Variants in RP1L1 observed in about 807,000 individuals in gnomAD.
The protein encoded by RP1L1 is retinitis pigmentosa 1-like 1 protein.
RP1L1 carries 27 observed loss-of-function variants against 15.7 expected under a neutral mutation model. The observed-to-expected ratio is 1.72, with a 90% CI of 1.27 to 2.38. The LOEUF is 2.38. RP1L1 is among the 30% of genes most tolerant of loss of function. The pLI, the probability that RP1L1 is intolerant of heterozygous loss-of-function variation, is 0.00. For synonymous variants in RP1L1, 1,813 were observed against 1,276.7 expected (o/e 1.42, Z -8.96); for missense variants, 4,798 against 3,075.9 (o/e 1.56, Z -13.24).
In RP1L1 at chr8:10,609,457, C is replaced by T. The variant is rs960411300; in HGVS notation, c.4641G>A (p.Leu1547=). Residue 1547 remains leucine (L), a synonymous_variant, in exon 4 of 4, where the codon CTG becomes CTA. Transcript: ENST00000382483. The part of the protein sequence containing the change: ...AVAELRARWG[L]QDNDLLDQMA... ...TCTGGTCCAGCAGATCATTGTCCTG[C>T]AGGCCCCAGCGTGCTCGGAGCTCAG... 2.3e-5 allele frequency: 37 copies of T among 1,612,256 alleles called. No individual in the cohort carries two copies. The highest frequency in any genetic ancestry group is 3.1e-5 in the Non-Finnish European group (37 of 1,179,988).
In RP1L1 at chr8:10,612,035, C is replaced by T. The variant is rs771447697; in HGVS notation, c.2063G>A (p.Arg688Lys). 3.1e-6 allele frequency: 5 copies of T among 1,613,912 alleles called. No homozygotes were observed. In the Admixed American group the frequency reaches 5.0e-5, roughly 16 times the overall value. ...GCAGGCCCTTCGCCGCTCAGGAGGC[C>T]TCGGCACTTGCTTGGTTACAGAGGA... Reference protein sequence around the residue: ...LDSSVTKQVPRPPERRRACQD... With the variant: ...LDSSVTKQVPKPPERRRACQD... Residue 688 changes from arginine (R) to lysine (K), a missense_variant, in exon 4 of 4, where the codon AGG becomes AAG. Coordinates refer to ENST00000382483, the MANE Select transcript of RP1L1 (RefSeq NM_178857.6).
intron 1 of RP1L1, among the ~76,000 whole-genome samples, chr8:10,625,443 G>A (rs75347109): frequency 0.016 from 2,403 of 151,256 alleles, 60 homozygotes; most frequent in African/African-American, 0.055. Flanking sequence ...TGGAGGGTGC[G>A]TGTGGGGTGT....
At position 10,616,494 on chromosome 8, in the gene RP1L1, T is replaced by C; in HGVS notation, c.703A>G (p.Arg235Gly). ...CCAGATAAAGTTTCAGCCTCGCTTC[T>C]CCTGGCATTTTTCATGGCTGGGGTT... ...FRTPAMKNAR[R>G]SEAETLSGLT... Residue 235 changes from arginine to glycine, a missense_variant, in exon 3 of 4, where the codon AGA (arginine) becomes GGA (glycine). Transcript: ENST00000382483. 1 of 1,614,230 alleles carries C rather than the reference T, an allele frequency of 6.2e-7. No individual in the cohort carries two copies. The highest frequency in any genetic ancestry group is 1.1e-5 in the South Asian group (1 of 91,082).
rs988775533 is a variant in RP1L1, at chr8:10,612,495, A to T, written c.1603T>A (p.Ser535Thr). Residue 535 changes from serine (S) to threonine (T), a missense_variant, in exon 4 of 4, where the codon TCG becomes ACG. Transcript: ENST00000382483. ...TCATGAGAGCCGGTGCTGGCTGACG[A>T]GTCCGAAGAAGCCCCCTCCTCACTC... is the stretch of plus-strand genomic sequence containing the variant. ...ARSEEGASSD[S>T]SASTGSHEGS... 2 of 1,612,248 alleles carry T rather than the reference A, an allele frequency of 1.2e-6. No individual in the cohort carries two copies. Among genetic ancestry groups the T allele is most frequent in the East Asian group, 2.2e-5 (1 of 44,852 alleles).
chr8:10,611,616 G>A lies in RP1L1; in HGVS notation c.2482C>T (p.Gln828Ter), dbSNP rs1167216695. ...TCTTGGGCCGGCTGCGTCCCAGGCT[G>A]TGAGCAGCAGTGGCTTCGGTGGGGG... ...VGPHRSHCCS[Q>*]PGTQPAQEAQ... Residue 828 changes from glutamine to a stop codon, truncating the protein, a stop_gained, in exon 4 of 4, where the codon CAG (glutamine) becomes TAG (stop). Transcript: ENST00000382483. LOFTEE classifies it low-confidence loss of function (END_TRUNC). The A allele has an allele frequency of 1.2e-6, 2 of 1,612,804 alleles. No homozygotes were observed. The highest frequency in any genetic ancestry group is 1.7e-5 in the Admixed American group (1 of 60,004).
Position 10,612,850 on chromosome 8 carries a change from C to T in RP1L1, c.1248G>A (p.Gln416=). The T allele has an allele frequency of 1.2e-6, 2 of 1,612,918 alleles. No individual in the cohort carries two copies. Residue 416 remains glutamine (Q), a synonymous_variant, in exon 4 of 4, where the codon CAG becomes CAA. Coordinates refer to ENST00000382483, the MANE Select transcript of RP1L1 (RefSeq NM_178857.6). ...EIWTNPLHAS[Q]GERVAARKRW... is the part of the protein sequence containing the mutation. The stretch of plus-strand genomic sequence containing the variant: ...TCTTCCGAGCTGCCACTCTCTCTCC[C>T]TGGGAGGCATGCAGGGGATTCGTCC...
chr8:10,613,109 T>A lies in RP1L1; in HGVS notation c.989A>T (p.His330Leu), dbSNP rs772188613. ...TAGGAGCGTGTCCTCGCCGACCAGG[T>A]GGAAGCGGACTTTCATCTCCACGGA... ...SLSVEMKVRFHLVGEDTLLWS... is the reference protein window; with the variant it reads ...SLSVEMKVRFLLVGEDTLLWS... The change falls in exon 4 of 4, where the codon CAC becomes CTC. Residue 330 changes from histidine to leucine, a missense_variant. Coordinates refer to ENST00000382483, the MANE Select transcript of RP1L1 (RefSeq NM_178857.6). The A allele has an allele frequency of 3.5e-5, 57 of 1,613,770 alleles. 1 individual carries two copies. The highest frequency in any genetic ancestry group is 4.8e-5 in the Non-Finnish European group (57 of 1,180,032).
At chr8:10,618,324 A>T (rs60239832) in intron 2 of RP1L1, among the ~76,000 whole-genome samples, 4,228 of 151,844 alleles carry the variant, frequency 0.028, 192 homozygotes, top group African/African-American at 0.094. Context: ...TCATGGTGAA[A>T]CCCCATCTCT....
intron 1 of RP1L1, among the ~76,000 whole-genome samples, chr8:10,631,953 T>G (rs564916989): frequency 6.6e-6 from 1 of 152,194 alleles, no homozygotes; most frequent in Non-Finnish European, 1.5e-5. Context: ...TCTCTGACAC[T>G]TGCGGTGGCC....
At chr8:10,617,598 C>T (rs1380919763) in intron 2 of RP1L1, among the ~76,000 whole-genome samples, 4 of 133,822 alleles carry the variant, frequency 3.0e-5, no homozygotes, top group Non-Finnish European at 6.1e-5. Flanking sequence ...GATCTGTCAC[C>T]CAGGCTGGAG....
At position 10,607,967 on chromosome 8, in the gene RP1L1, G is replaced by C; in HGVS notation, c.6131C>G (p.Thr2044Arg). 6.2e-7 allele frequency: 1 copy of C among 1,609,994 alleles called. No homozygotes were observed. The highest frequency in any genetic ancestry group is 1.4e-5 in the African/African-American group (1 of 73,324). The stretch of plus-strand genomic sequence containing the variant: ...TGACTCTGGCTGGGCATCCCCTTCT[G>C]TCTTCTGGGTCTCCCCTTCAACCTC... ...AQEVEGETQK[T>R]EGDAQPESDG... Residue 2044 changes from threonine to arginine, a missense_variant, in exon 4 of 4, where the codon ACA becomes AGA. Coordinates refer to ENST00000382483, the MANE Select transcript of RP1L1 (RefSeq NM_178857.6).
At position 10,613,403 on chromosome 8, in the gene RP1L1, G is replaced by T. The variant is rs539106100; in HGVS notation, c.752-57C>A. 7 of 1,595,668 alleles carry T rather than the reference G, an allele frequency of 4.4e-6. No homozygotes were observed. In the South Asian group the frequency reaches 7.7e-5, roughly 18 times the overall value. The stretch of plus-strand genomic sequence containing the variant: ...GAAAAGACTGTGAGCCATGGGGGCA[G>T]CATCAGGATAAAGGAATAAAACAGT... On this transcript the variant is annotated intron_variant, in intron 3 of 3. Transcript: ENST00000382483.
intron 2 of RP1L1, 29 bp from the exon 3 acceptor site, chr8:10,616,616 G>A (rs1797970582): frequency 1.3e-6 from 2 of 1,598,798 alleles, no homozygotes; most frequent in Non-Finnish European, 1.7e-6. Context: ...GGGTCAGGAG[G>A]CCTGGGCTGC....
In RP1L1 at chr8:10,609,781, T is replaced by C. The variant is rs1305717581; in HGVS notation, c.4317A>G (p.Ala1439=). The C allele has an allele frequency of 1.2e-6, 2 of 1,613,894 alleles. No individual in the cohort carries two copies. The highest frequency in any genetic ancestry group is 2.7e-5 in the African/African-American group (2 of 74,916). Residue 1439 remains alanine, a synonymous_variant, in exon 4 of 4, where the codon GCA becomes GCG. Coordinates refer to ENST00000382483, the MANE Select transcript of RP1L1 (RefSeq NM_178857.6). ...CTGTGCCCTCTGCGGGGCACGGCTCTGCAGAGGCAGAGGCTCTTCCTGCTT... is the reference window on the plus strand; with the variant it reads ...CTGTGCCCTCTGCGGGGCACGGCTCCGCAGAGGCAGAGGCTCTTCCTGCTT... ...EEEAGRASAS[A]EPCPAEGTEE...
rs1272349897 is a variant in RP1L1 at position 10,612,268 on chromosome 8, A to G, written c.1830T>C (p.Pro610=). The change falls in exon 4 of 4, where the codon CCT becomes CCC. Residue 610 remains proline (P), a synonymous_variant. Transcript: ENST00000382483. The stretch of plus-strand genomic sequence containing the variant: ...AGGAGCAGGAAAGGCCCAGAACCAG[A>G]GGCTCCCTTGTCACAGCCGCTCCCG... ...QATGAAVTRE[P]LVLGLSCSWD... is the part of the protein sequence containing the mutation. The G allele has an allele frequency of 3.1e-6, 5 of 1,613,216 alleles. No individual in the cohort carries two copies. The highest frequency in any genetic ancestry group is 2.2e-5 in the East Asian group (1 of 44,874).
rs767559083 is a variant in RP1L1, at chr8:10,610,601, T to A, written c.3497A>T (p.Asp1166Val). The change falls in exon 4 of 4, where the codon GAC becomes GTC. Residue 1166 changes from aspartate to valine, a missense_variant. Asp to Val is a radical substitution (Grantham distance 152). Transcript: ENST00000382483. ...CTCCCAGAGGCCTGAGTCCAGCTGG[T>A]CTTCCCCAACGTCACATCCTGGCCA... The part of the protein sequence containing the change: ...DLWPGCDVGE[D>V]QLDSGLWELT... 2 of 1,613,416 alleles carry A rather than the reference T, an allele frequency of 1.2e-6. No homozygotes were observed. Among genetic ancestry groups the A allele is most frequent in the African/African-American group, 2.7e-5 (2 of 74,924 alleles).
chr8:10,621,577 C>T (rs1217356532), intron 2 of RP1L1: 1 of 396,138 alleles, frequency 2.5e-6, no homozygotes, highest in Non-Finnish European at 5.1e-6. Context: ...CCGCCTGCCT[C>T]AGCCTCCCAA....
At chr8:10,643,794 G>A (rs116855155) in intron 1 of RP1L1, among the ~76,000 whole-genome samples, 1 of 152,016 alleles carries the variant, frequency 6.6e-6, no homozygotes, top group Non-Finnish European at 1.5e-5. Context: ...CTCTCACCTG[G>A]GCAGGTGGTG....
Position 10,610,427 on chromosome 8 carries a change from A to T in RP1L1, c.3671T>A (p.Val1224Glu), listed in dbSNP as rs773509742. Residue 1224 changes from valine (V) to glutamate (E), a missense_variant, in exon 4 of 4, where the codon GTG becomes GAG. Physicochemically the swap from Val to Glu is moderately radical, Grantham distance 121. Coordinates refer to ENST00000382483, the MANE Select transcript of RP1L1 (RefSeq NM_178857.6). ...CAGGGGCAGCTCTGTCCCCTGTGTC[A>T]CCAGGGTGCCGTCCATGGCACAGGG... The part of the protein sequence containing the change: ...SVPCAMDGTL[V>E]TQGTELPLKT... 2 of 1,613,740 alleles carry T rather than the reference A, an allele frequency of 1.2e-6. No individual in the cohort carries two copies. Among genetic ancestry groups the T allele is most frequent in the East Asian group, 4.5e-5 (2 of 44,852 alleles).
Sources: allele counts gnomAD v4.1 joint callset (sites outside exome capture counted in the v4.1 genomes callset), GRCh38; gene constraint gnomAD v4.1.1; transcripts MANE v1.5; gene names NCBI Gene and HGNC (gene_info 2026-07-23, HGNC 2026-07-21).